FAM47E: variants seen among roughly 807,000 people sequenced by gnomAD.
The protein encoded by FAM47E is protein FAM47E.
In FAM47E, 32 loss-of-function variants were observed where a neutral mutation model predicts 41.6. The observed-to-expected ratio is 0.77, with a 90% CI of 0.58 to 1.03. The LOEUF (loss-of-function observed/expected upper bound fraction) is 1.03. FAM47E is among the 50% of genes least tolerant of loss of function. The probability of loss-of-function intolerance (pLI) is 0.00; values close to 1 mark genes in which losing one functional copy is unlikely to be tolerated. For missense variants in FAM47E, 424 were observed against 485.4 expected, an observed-to-expected ratio of 0.87 and a Z score of 1.19; for synonymous variants, 184 against 188.7, an observed-to-expected ratio of 0.98 and a Z score of 0.20.
In FAM47E at chr4:76,263,757, A is replaced by G. The variant is rs1734514482; in HGVS notation, c.474A>G (p.Thr158=). 5 of 1,551,712 alleles carry G rather than the reference A, an allele frequency of 3.2e-6. No individual in the cohort carries two copies. In the South Asian group the frequency reaches 4.8e-5, roughly 15 times the overall value. ...VLDPDRKLED[T]WAYCQDTRKG... ...ATCCTGACCGGAAGCTGGAGGACAC[A>G]TGGGCTTATTGTCAGGACACCAGGA... Residue 158 remains threonine (T), a synonymous_variant, in exon 3 of 8, where the codon ACA becomes ACG. Coordinates refer to ENST00000424749, the MANE Select transcript of FAM47E (RefSeq NM_001136570.3).
chr4:76,228,791 T>G (rs1443310770), intron 2 of FAM47E, among the ~76,000 whole-genome samples: 7 of 152,318 alleles, frequency 4.6e-5, no homozygotes, highest in African/African-American at 1.4e-4. Context: ...ATTCTTTCCT[T>G]CATCTTGATG....
At chr4:76,258,842 A>G (rs1734291486) in intron 2 of FAM47E, among the ~76,000 whole-genome samples, 1 of 152,214 alleles carries the variant, frequency 6.6e-6, no homozygotes, top group Non-Finnish European at 1.5e-5. Flanking sequence ...TGGACCTATT[A>G]CCTTGCTATT....
At position 76,273,315 on chromosome 4, in the gene FAM47E, A is replaced by G. The variant is rs527503543; in HGVS notation, c.870+1547A>G. On this transcript the variant is annotated intron_variant, in intron 5 of 7. Coordinates refer to ENST00000424749, the MANE Select transcript of FAM47E (RefSeq NM_001136570.3). Reference sequence around the variant, plus strand: ...TCTAGAATTTTCCATTTAATACTTCAGACCGTGGTTGACCACAGGTAAATG... The same window carrying G: ...TCTAGAATTTTCCATTTAATACTTCGGACCGTGGTTGACCACAGGTAAATG... Among the ~76,000 whole-genome samples the G allele has an allele frequency of 2.0e-5, 3 of 152,352 alleles. No homozygotes were observed. The East Asian group carries it at 5.8e-4, about 29-fold the overall frequency.
chr4:76,224,715 A>T (rs1733365180), intron 2 of FAM47E, among the ~76,000 whole-genome samples: 1 of 152,124 alleles, frequency 6.6e-6, no homozygotes, highest in South Asian at 2.1e-4. Flanking sequence ...GATGCAAGCC[A>T]CTAGGCCCAG....
intron 2 of FAM47E, among the ~76,000 whole-genome samples, chr4:76,236,039 C>T (rs1167006094): frequency 6.6e-6 from 1 of 152,160 alleles, no homozygotes; most frequent in Admixed American, 6.5e-5. Flanking sequence ...ATAACTGTGG[C>T]ACCAGAGCAA....
rs562563239 is a variant in FAM47E, at chr4:76,257,550, C to T, written c.420+1027C>T. Among the ~76,000 whole-genome samples, 36 of 152,258 alleles carry T rather than the reference C, an allele frequency of 2.4e-4. No homozygotes were observed. The Middle Eastern group carries it at 0.02, about 86-fold the overall frequency. The stretch of plus-strand genomic sequence containing the variant: ...TGCTCTCCACAGTACCCCTGTTCTG[C>T]TCCCTCTCCAACTTCACCCCTGCTC... On this transcript the variant is annotated intron_variant, in intron 2 of 7. Transcript: ENST00000424749.
chr4:76,269,068 T>A (rs736636), intron 4 of FAM47E: 134,469 of 343,090 alleles, frequency 0.39, 27,132 homozygotes, highest in Admixed American at 0.43. Context: ...TTCCATTTTA[T>A]TGTTAGGACT....
chr4:76,256,708 A>T (rs1456691568), intron 2 of FAM47E, among the ~76,000 whole-genome samples, 185 bp downstream of exon 2: 5 of 152,174 alleles, frequency 3.3e-5, no homozygotes, highest in Non-Finnish European at 7.3e-5. Flanking sequence ...CAGAAAACAC[A>T]ATCAGCAGCA....
intron 2 of FAM47E, among the ~76,000 whole-genome samples, chr4:76,240,107 CT>C (rs1294239174): frequency 1.3e-5 from 2 of 152,172 alleles, no homozygotes; most frequent in Non-Finnish European, 2.9e-5. Flanking sequence ...ATCGCTGTAA[CT>C]TTGTGGTAAG....
At chr4:76,214,119 A>T (rs937513408) in exon 1 of FAM47E, 1 of 415,026 alleles carries the variant, frequency 2.4e-6, no homozygotes, top group African/African-American at 2.1e-5. Context: ...CTCATTCCGC[A>T]GATAGGTCTG....
chr4:76,260,286 G>C (rs1191311419), intron 2 of FAM47E, among the ~76,000 whole-genome samples: 1 of 151,902 alleles, frequency 6.6e-6, no homozygotes, highest in Non-Finnish European at 1.5e-5. Flanking sequence ...ACAAAGCTGG[G>C]GTCATCATGT....
At position 76,226,211 on chromosome 4, in the gene FAM47E, A is replaced by C. The variant is rs537758099; in HGVS notation, c.81+8523A>C. ...AAGGCCCTGAGCTCTGGGAACCCAT[A>C]CTATTTACTGGTAATCAAACAAAGA... On this transcript the variant is annotated intron_variant, in intron 2 of 7. Transcript: ENST00000510197. Among the ~76,000 whole-genome samples the C allele has an allele frequency of 1.6e-4, 24 of 152,228 alleles. No individual in the cohort carries two copies. In the South Asian group the frequency reaches 5.0e-3, roughly 32 times the overall value.
At position 76,231,386 on chromosome 4, in the gene FAM47E, G is replaced by A. The variant is rs4859431; in HGVS notation, c.81+13698G>A. Among the ~76,000 whole-genome samples, 887 of 152,052 alleles carry A rather than the reference G, an allele frequency of 5.8e-3. 12 individuals are homozygous for A. Among genetic ancestry groups the A allele is most frequent in the African/African-American group, 0.02 (838 of 41,496 alleles). ...TTCTGAGCTGCAGCTGGAGACTGCC[G>A]GTTGGTTCACAGGAACAAGTAGGAT... On this transcript the variant is annotated intron_variant, in intron 2 of 7. Coordinates refer to the FAM47E transcript ENST00000510197.
rs114683302 is a variant in FAM47E, at chr4:76,278,309, G to A, written c.1026+85G>A. 707 of 1,342,610 alleles carry A rather than the reference G, an allele frequency of 5.3e-4. 2 individuals are homozygous for A. The highest frequency in any genetic ancestry group is 5.0e-3 in the Middle Eastern group (18 of 3,596). The allele number at this position is 1,342,610 out of a possible 1,614,324, so 83.2% of individuals were successfully genotyped here. A position where few individuals can be genotyped will look rare whatever the true frequency, so the allele number is the denominator to read the frequency against. ...ACCCTCCTACTGAACCAGACTCTGC[G>A]GCGTAATACAAAGGCTCCTGAAAGC... is the stretch of plus-strand genomic sequence containing the variant. On this transcript the variant is annotated intron_variant, in intron 6 of 7. Transcript: ENST00000424749.
intron 2 of FAM47E, among the ~76,000 whole-genome samples, chr4:76,226,067 T>C (rs1399283891): frequency 6.6e-6 from 1 of 152,040 alleles, no homozygotes; most frequent in Non-Finnish European, 1.5e-5. Context: ...GTTGGGGTGA[T>C]CAGACTCAAC....
At chr4:76,280,391 A>G in intron 7 of FAM47E, 50 bp downstream of exon 7, 1 of 1,076,276 alleles carries the variant, frequency 9.3e-7, no homozygotes, top group Admixed American at 2.4e-5. Flanking sequence ...TTCATGGCTC[A>G]CAGTTGTTGA....
intron 3 of FAM47E, among the ~76,000 whole-genome samples, chr4:76,264,706 A>T (rs1250414486): frequency 6.6e-6 from 1 of 151,996 alleles, no homozygotes; most frequent in East Asian, 1.9e-4. Flanking sequence ...AGTGATTCTT[A>T]TGCATCAGCC....
chr4:76,278,760 G>A (rs28628748), intron 6 of FAM47E: 57,038 of 153,022 alleles, frequency 0.37, 11,044 homozygotes, highest in Middle Eastern at 0.48. Flanking sequence ...CACAACAAGG[G>A]TGTGCTCTAA....
chr4:76,255,373 T>G (rs926422729), intron 1 of FAM47E, among the ~76,000 whole-genome samples: 6 of 152,212 alleles, frequency 3.9e-5, no homozygotes, highest in Non-Finnish European at 7.3e-5. Flanking sequence ...GTAAAGCATT[T>G]AGAACAGTAG....
Sources: allele counts gnomAD v4.1 joint callset (sites outside exome capture counted in the v4.1 genomes callset), GRCh38; gene constraint gnomAD v4.1.1; transcripts MANE v1.5; gene names NCBI Gene and HGNC (gene_info 2026-07-23, HGNC 2026-07-21).